The following PLAGL1 variants were observed in gnomAD, a reference collection of about 807,000 sequenced individuals.
PLAGL1 encodes zinc finger protein PLAGL1.
Under a neutral mutation model 4.6 loss-of-function variants are expected in PLAGL1, and 1 was observed. The observed-to-expected ratio is 0.22, with a 90% CI of 0.08 to 1.03. The LOEUF is 1.03. PLAGL1 is among the 50% of genes least tolerant of loss of function. The pLI is 0.58. For synonymous variants in PLAGL1, 240 were observed against 237.8 expected (o/e 1.01, Z -0.08); for missense variants, 464 against 570.4 (o/e 0.81, Z 1.90).
rs116047252 is a variant in PLAGL1 at position 143,945,532 on chromosome 6, G to A, written c.152+2453C>T. On this transcript the variant is annotated intron_variant, in intron 7 of 7. Coordinates refer to ENST00000674357, the MANE Select transcript of PLAGL1 (RefSeq NM_001317162.2). This position sits in a 1 kb window ranked among gnomAD's most constrained non-coding sequence, Gnocchi z 4.2. ...CACCCTGTCACCAGGCTGAAGTGCAGTGGCTCGATGTCAGCTCACTGCAAC... is the reference window on the plus strand; with the variant it reads ...CACCCTGTCACCAGGCTGAAGTGCAATGGCTCGATGTCAGCTCACTGCAAC... Among the ~76,000 whole-genome samples the A allele has an allele frequency of 6.8e-3, 1,032 of 152,276 alleles. 7 individuals are homozygous for A. The highest frequency in any genetic ancestry group is 0.024 in the African/African-American group (981 of 41,554).
chr6:144,057,584 C>G (rs1799067370), intron 1 of PLAGL1, among the ~76,000 whole-genome samples: 1 of 152,160 alleles, frequency 6.6e-6, no homozygotes, highest in African/African-American at 2.4e-5. Flanking sequence ...GATTCCAAAC[C>G]CACAAGCTGA....
chr6:144,023,904 G>A (rs1796154335), intron 1 of PLAGL1, among the ~76,000 whole-genome samples: 1 of 149,558 alleles, frequency 6.7e-6, no homozygotes, highest in African/African-American at 2.5e-5. Context: ...AGCCTCCAGA[G>A]TAGCTGGGAT....
At chr6:143,992,568 G>A (rs1790706055) in intron 1 of PLAGL1, among the ~76,000 whole-genome samples, 1 of 152,086 alleles carries the variant, frequency 6.6e-6, no homozygotes, top group African/African-American at 2.4e-5. Context: ...TGATCTCAAG[G>A]GCCAGAAAGA....
In PLAGL1 at chr6:144,055,575, T is replaced by A. The variant is rs1401186644; in HGVS notation, c.-151+8893A>T. On this transcript the variant is annotated intron_variant, in intron 1 of 3. Coordinates refer to the PLAGL1 transcript ENST00000437412. The surrounding 1 kb of genome is among the most constrained non-coding windows in gnomAD (Gnocchi z 5.0). ...CCTCCCTCCAGTCTCATCTCAACAG[T>A]CTCTTCCATTGATGGCCCTTGTGCT... Among the ~76,000 whole-genome samples the A allele has an allele frequency of 6.6e-6, 1 of 152,086 alleles. No individual in the cohort carries two copies. The highest frequency in any genetic ancestry group is 1.5e-5 in the Non-Finnish European group (1 of 68,018).
At position 143,970,334 on chromosome 6, in the gene PLAGL1, T is replaced by C. The variant is rs1785188656; in HGVS notation, c.-543-1356A>G. ...GAAGGCAATATGTAATGTTGCAAAGTAAACATTTAAACTACTGAAAATATA... is the reference window on the plus strand; with the variant it reads ...GAAGGCAATATGTAATGTTGCAAAGCAAACATTTAAACTACTGAAAATATA... On this transcript the variant is annotated intron_variant, in intron 2 of 7. Coordinates refer to ENST00000674357, the MANE Select transcript of PLAGL1 (RefSeq NM_001317162.2). This position sits in a 1 kb window ranked among gnomAD's most constrained non-coding sequence, Gnocchi z 5.8. Among the ~76,000 whole-genome samples the C allele has an allele frequency of 1.3e-5, 2 of 152,228 alleles. No homozygotes were observed. The highest frequency in any genetic ancestry group is 4.1e-4 in the South Asian group (2 of 4,836).
chr6:144,021,474 G>A (rs1209852764), intron 1 of PLAGL1, among the ~76,000 whole-genome samples: 1 of 152,104 alleles, frequency 6.6e-6, no homozygotes, highest in Non-Finnish European at 1.5e-5. Context: ...TTTTTGCACG[G>A]AGAAAAACAA....
chr6:143,999,445 T>C (rs1219012585), intron 1 of PLAGL1, among the ~76,000 whole-genome samples: 1 of 152,214 alleles, frequency 6.6e-6, no homozygotes, highest in Non-Finnish European at 1.5e-5. Context: ...AATGATGCAA[T>C]ATAAAACACG....
chr6:144,039,952 G>A lies in PLAGL1; in HGVS notation c.-151+24516C>T, dbSNP rs1797596799. 1.3e-5 allele frequency among the ~76,000 whole-genome samples: 2 copies of A among 152,106 alleles called. No homozygotes were observed. Among genetic ancestry groups the A allele is most frequent in the South Asian group, 2.1e-4 (1 of 4,816 alleles). ...ATGAAATTATAGTTAGGTTCAAAAGGCAAGCCTCCAGATAATTTATATCAT... is the reference window on the plus strand; with the variant it reads ...ATGAAATTATAGTTAGGTTCAAAAGACAAGCCTCCAGATAATTTATATCAT... On this transcript the variant is annotated intron_variant, in intron 1 of 3. Coordinates refer to the PLAGL1 transcript ENST00000437412. This position sits in a 1 kb window ranked among gnomAD's most constrained non-coding sequence, Gnocchi z 4.1.
At chr6:143,991,193 CTT>C (rs1790399163) in intron 1 of PLAGL1, among the ~76,000 whole-genome samples, 1 of 152,166 alleles carries the variant, frequency 6.6e-6, no homozygotes, top group African/African-American at 2.4e-5. Context: ...CAGAAACTGA[CTT>C]ATATATCATA....
rs372439666 is a variant in PLAGL1, at chr6:144,053,831, A to G, written c.-151+10637T>C. Among the ~76,000 whole-genome samples the G allele has an allele frequency of 2.0e-5, 3 of 152,338 alleles. No homozygotes were observed. The highest frequency in any genetic ancestry group is 6.5e-5 in the Admixed American group (1 of 15,300). On this transcript the variant is annotated intron_variant, in intron 1 of 3. Coordinates refer to the PLAGL1 transcript ENST00000437412. This position sits in a 1 kb window ranked among gnomAD's most constrained non-coding sequence, Gnocchi z 4.0. ...CAGCACATCCTTCTAGGCAGCTACA[A>G]TAAAATATGATGAAACTTATTTGTC... is the stretch of plus-strand genomic sequence containing the variant.
rs1418063049 is a variant in PLAGL1 at position 144,036,642 on chromosome 6, CT to C, written c.-151+27825del. 4.9e-6 allele frequency: 1 copy of C among 204,064 alleles called. No individual in the cohort carries two copies. Among genetic ancestry groups the C allele is most frequent in the Admixed American group, 6.3e-5 (1 of 15,994 alleles). The allele number at this position is 204,064 out of a possible 1,614,324, so 12.6% of individuals were successfully genotyped here. On this transcript the variant is annotated intron_variant, in intron 1 of 3. Coordinates refer to the PLAGL1 transcript ENST00000437412. This position sits in a 1 kb window ranked among gnomAD's most constrained non-coding sequence, Gnocchi z 5.1. ...AACATGTGTTTCTTATTCAGAATAG[CT>C]TTTTGTTTTGTTTGTTTTAACTTGT...
chr6:143,980,352 C>T (rs1395410541), intron 2 of PLAGL1, among the ~76,000 whole-genome samples: 2 of 151,078 alleles, frequency 1.3e-5, no homozygotes, highest in African/African-American at 4.9e-5. Context: ...TTCAAGTTGT[C>T]CCACAGCTCA....
rs548506517 is a variant in PLAGL1, at chr6:143,972,465, C to T, written c.-543-3487G>A. Among the ~76,000 whole-genome samples, 4 of 152,222 alleles carry T rather than the reference C, an allele frequency of 2.6e-5. No individual in the cohort carries two copies. Among genetic ancestry groups the T allele is most frequent in the African/African-American group, 7.2e-5 (3 of 41,542 alleles). On this transcript the variant is annotated intron_variant, in intron 2 of 7. Coordinates refer to ENST00000674357, the MANE Select transcript of PLAGL1 (RefSeq NM_001317162.2). This position sits in a 1 kb window ranked among gnomAD's most constrained non-coding sequence, Gnocchi z 6.8. The stretch of plus-strand genomic sequence containing the variant: ...CTCAAGACTTTTTCTTTAGTGTGTT[C>T]TAAAAAGGTGGTAATTTTAAGATTT...
chr6:143,968,738 G>A lies in PLAGL1; in HGVS notation c.-472+169C>T, dbSNP rs1784883940. On this transcript the variant is annotated intron_variant, in intron 3 of 7. Coordinates refer to ENST00000674357, the MANE Select transcript of PLAGL1 (RefSeq NM_001317162.2). This position sits in a 1 kb window ranked among gnomAD's most constrained non-coding sequence, Gnocchi z 6.3. ...CCTCAAGGCCTGAAGTTCCTCAAATGTAAATTCTCTCACAAAGTCTTTTCT... is the reference window on the plus strand; with the variant it reads ...CCTCAAGGCCTGAAGTTCCTCAAATATAAATTCTCTCACAAAGTCTTTTCT... The A allele has an allele frequency of 1.3e-5, 2 of 152,218 alleles. No individual in the cohort carries two copies. Among genetic ancestry groups the A allele is most frequent in the African/African-American group, 2.4e-5 (1 of 41,438 alleles). The allele number at this position is 152,218 out of a possible 1,614,324, so 9.4% of individuals were successfully genotyped here.
At chr6:144,058,627 G>C (rs1799165175) in intron 1 of PLAGL1, among the ~76,000 whole-genome samples, 1 of 152,146 alleles carries the variant, frequency 6.6e-6, no homozygotes, top group South Asian at 2.1e-4. Context: ...AAAATACAAT[G>C]GTGGTACAGA....
rs140672708 is a variant in PLAGL1 at position 143,957,149 on chromosome 6, A to G, written c.-325+3320T>C. Reference sequence around the variant, plus strand: ...ATGCATTGTATTTTTAAATAGAAACAGTCACAAAAAAATAGACAAATGTCT... The same window carrying G: ...ATGCATTGTATTTTTAAATAGAAACGGTCACAAAAAAATAGACAAATGTCT... On this transcript the variant is annotated intron_variant, in intron 6 of 7. Coordinates refer to ENST00000674357, the MANE Select transcript of PLAGL1 (RefSeq NM_001317162.2). This position sits in a 1 kb window ranked among gnomAD's most constrained non-coding sequence, Gnocchi z 4.2. Among the ~76,000 whole-genome samples, 679 of 152,380 alleles carry G rather than the reference A, an allele frequency of 4.5e-3. 8 individuals are homozygous for G. The highest frequency in any genetic ancestry group is 0.014 in the East Asian group (75 of 5,196).
At chr6:144,035,219 C>T (rs1671954861) in intron 1 of PLAGL1, among the ~76,000 whole-genome samples, 1 of 152,074 alleles carries the variant, frequency 6.6e-6, no homozygotes, top group Non-Finnish European at 1.5e-5. Context: ...ATACAATAGG[C>T]CTCCTGCAAG....
intron 1 of PLAGL1, among the ~76,000 whole-genome samples, chr6:144,014,905 G>T (rs1055592275): frequency 2.6e-5 from 4 of 152,134 alleles, no homozygotes; most frequent in Admixed American, 6.5e-5. Flanking sequence ...TTTGACAGAG[G>T]TATAACATAA....
rs1420149107 is a variant in PLAGL1, at chr6:143,978,261, A to C, written c.-544+6874T>G. Among the ~76,000 whole-genome samples, 1 of 152,162 alleles carries C rather than the reference A, an allele frequency of 6.6e-6. No homozygotes were observed. Among genetic ancestry groups the C allele is most frequent in the Non-Finnish European group, 1.5e-5 (1 of 68,024 alleles). On this transcript the variant is annotated intron_variant, in intron 2 of 7. Transcript: ENST00000674357. The surrounding 1 kb of genome is among the most constrained non-coding windows in gnomAD (Gnocchi z 4.6). ...CTCTTTTTCTAGTTTCCAAAGGTGG[A>C]AACTGAGGTTATTGATTTTAGGTTC... is the stretch of plus-strand genomic sequence containing the variant.
Sources: gnomAD v4.1 joint callset for allele counts (sites outside exome capture counted in the v4.1 genomes callset) on GRCh38, gnomAD v4.1.1 for gene constraint, Gnocchi (gnomAD v3.1) non-coding constraint, MANE v1.5 for transcripts, NCBI Gene and HGNC (gene_info 2026-07-23, HGNC 2026-07-21) for gene names.